GOLGA4: variants seen among roughly 807,000 people sequenced by gnomAD.
GOLGA4 encodes the protein golgin A4.
Under a neutral mutation model 265.9 loss-of-function variants are expected in GOLGA4, and 169 were observed. That is an observed-to-expected ratio of 0.64 (90% CI 0.56 to 0.72). The LOEUF is 0.72. Among genes scored for constraint, GOLGA4 ranks in the 30% least tolerant of loss-of-function variants. The pLI is 0.00. For synonymous variants in GOLGA4, 923 were observed against 855.8 expected (o/e 1.08, Z -1.37); for missense variants, 2,482 against 2,483.4 (o/e 1.00, Z 0.01).
intron 10 of GOLGA4, among the ~76,000 whole-genome samples, chr3:37,311,288 C>T (rs184477149): frequency 2.6e-5 from 4 of 152,278 alleles, no homozygotes; most frequent in South Asian, 2.1e-4. Flanking sequence ...ATATAAATGC[C>T]TTTCCCCACC....
chr3:37,287,340 C>G (rs918472575), intron 4 of GOLGA4, among the ~76,000 whole-genome samples: 3 of 152,074 alleles, frequency 2.0e-5, no homozygotes, highest in Admixed American at 6.5e-5. Flanking sequence ...GACTCCGTCT[C>G]AAAAAAGAAA....
chr3:37,296,091 C>G lies in GOLGA4; in HGVS notation c.686C>G (p.Ser229Cys), dbSNP rs1442801151. 1 of 1,613,534 alleles carries G rather than the reference C, an allele frequency of 6.2e-7. No individual in the cohort carries two copies. The highest frequency in any genetic ancestry group is 2.2e-5 in the East Asian group (1 of 44,874). Residue 229 changes from serine (S) to cysteine (C), a missense_variant, in exon 7 of 24, where the codon TCT becomes TGT. Transcript: ENST00000361924. ...QYISVLQTQVSLLKQRLRNGP... is the reference protein window; with the variant it reads ...QYISVLQTQVCLLKQRLRNGP... ...AATGAAGCACATTTATATTAGGTTTCTCTACTGAAACAACGATTACGAAAT... is the reference window on the plus strand; with the variant it reads ...AATGAAGCACATTTATATTAGGTTTGTCTACTGAAACAACGATTACGAAAT...
chr3:37,335,884 G>A (rs1200252337), intron 17 of GOLGA4, among the ~76,000 whole-genome samples: 1 of 152,090 alleles, frequency 6.6e-6, no homozygotes, highest in African/African-American at 2.4e-5. Context: ...GGGAAGGCTG[G>A]CACTGTACGT....
At chr3:37,247,943 A>G (rs2096723901) in intron 1 of GOLGA4, among the ~76,000 whole-genome samples, 1 of 152,188 alleles carries the variant, frequency 6.6e-6, no homozygotes, top group South Asian at 2.1e-4. Flanking sequence ...GGGCTTATGT[A>G]ATTAGTTTAG....
At chr3:37,334,252 A>G (rs2097001652) in intron 16 of GOLGA4, among the ~76,000 whole-genome samples, 1 of 152,212 alleles carries the variant, frequency 6.6e-6, no homozygotes, top group East Asian at 1.9e-4. Context: ...TTTTATAAGT[A>G]GGAATATTGG....
intron 19 of GOLGA4, among the ~76,000 whole-genome samples, chr3:37,338,155 C>T (rs949020920): frequency 2.6e-5 from 4 of 152,080 alleles, no homozygotes; most frequent in African/African-American, 4.8e-5. Context: ...TGTGTGTACA[C>T]CTTCAAGGAT....
intron 2 of GOLGA4, among the ~76,000 whole-genome samples, chr3:37,262,022 A>T (rs2096771027): frequency 6.6e-6 from 1 of 152,236 alleles, no homozygotes; most frequent in African/African-American, 2.4e-5. Context: ...CACCAGTAAA[A>T]ACAGAGATTA....
intron 10 of GOLGA4, among the ~76,000 whole-genome samples, chr3:37,311,234 G>A (rs1274899013): frequency 6.6e-6 from 1 of 152,104 alleles, no homozygotes; most frequent in African/African-American, 2.4e-5. Context: ...TCCATAATGG[G>A]TTTGAAATAC....
At chr3:37,313,703 T>C (rs746604823) in intron 10 of GOLGA4, among the ~76,000 whole-genome samples, 20 of 152,176 alleles carry the variant, frequency 1.3e-4, no homozygotes, top group Non-Finnish European at 2.5e-4. Flanking sequence ...TACATACATA[T>C]ACAACCCACA....
At chr3:37,250,577 G>A (rs550631605) in intron 1 of GOLGA4, 2 of 152,110 alleles carry the variant, frequency 1.3e-5, no homozygotes, top group African/African-American at 2.4e-5. Context: ...TTTATTAACT[G>A]CCTTTTGTAA....
At chr3:37,292,527 A>G (rs2096867566) in intron 5 of GOLGA4, among the ~76,000 whole-genome samples, 1 of 152,126 alleles carries the variant, frequency 6.6e-6, no homozygotes, top group African/African-American at 2.4e-5. Context: ...CTCTAGTAAA[A>G]ATACAAAAAT....
intron 20 of GOLGA4, chr3:37,341,758 C>A (rs1460123216): frequency 6.6e-6 from 1 of 152,166 alleles, no homozygotes; most frequent in African/African-American, 2.4e-5. Context: ...AATCAATACT[C>A]AGCAGTGCAT....
Position 37,299,856 on chromosome 3 carries a change from C to T in GOLGA4, c.1086+485C>T, listed in dbSNP as rs372907544. 1.7e-3 allele frequency among the ~76,000 whole-genome samples: 251 copies of T among 150,544 alleles called. 4 individuals carry two copies. The highest frequency in any genetic ancestry group is 5.6e-3 in the African/African-American group (229 of 40,912). On this transcript the variant is annotated intron_variant, in intron 9 of 23. Transcript: ENST00000361924. ...CTTGAAGCCAGAAGTTCAAGATCAA[C>T]CTGGGCAGTAAAGCAAGACCTCCTC... is the stretch of plus-strand genomic sequence containing the variant.
At chr3:37,316,136 T>C (rs980094781) in intron 11 of GOLGA4, among the ~76,000 whole-genome samples, 3 of 152,078 alleles carry the variant, frequency 2.0e-5, no homozygotes, top group African/African-American at 4.8e-5. Flanking sequence ...TTCAGAAATA[T>C]GAACATGTCA....
In GOLGA4 at chr3:37,308,670, C is replaced by T. The variant is rs150398753; in HGVS notation, c.1234+6338C>T. On this transcript the variant is annotated intron_variant, in intron 10 of 23. Coordinates refer to ENST00000361924, the MANE Select transcript of GOLGA4 (RefSeq NM_002078.5). ...TCACTCTGTCGCCCAGGCTGGAGTG[C>T]AGTGGTGTGATCTCGGCTCACTGCA... Among the ~76,000 whole-genome samples the T allele has an allele frequency of 4.7e-3, 709 of 151,700 alleles. 2 individuals carry two copies. Among genetic ancestry groups the T allele is most frequent in the African/African-American group, 0.016 (672 of 41,448 alleles).
At chr3:37,358,929 C>T (rs1314610683) in intron 22 of GOLGA4, among the ~76,000 whole-genome samples, 2 of 152,078 alleles carry the variant, frequency 1.3e-5, no homozygotes, top group African/African-American at 4.8e-5. Flanking sequence ...ATATTTTTGA[C>T]CCTCATTGGT....
intron 1 of GOLGA4, among the ~76,000 whole-genome samples, chr3:37,248,348 T>C (rs1349598385): frequency 1.3e-5 from 2 of 152,208 alleles, no homozygotes; most frequent in Non-Finnish European, 1.5e-5. Flanking sequence ...CAATAAAATA[T>C]TAATTGTGGG....
chr3:37,255,445 G>A (rs1223660532), intron 2 of GOLGA4, among the ~76,000 whole-genome samples: 3 of 152,138 alleles, frequency 2.0e-5, no homozygotes, highest in Non-Finnish European at 2.9e-5. Context: ...TTACAGGCAT[G>A]AGTCACCACG....
intron 16 of GOLGA4, among the ~76,000 whole-genome samples, chr3:37,331,128 CTTAATT>C (rs1326069370): frequency 6.6e-6 from 1 of 150,700 alleles, no homozygotes; most frequent in African/African-American, 2.4e-5. Flanking sequence ...AACAGGTGAA[CTTAATT>C]TTAATAATAT....
Sources: gnomAD v4.1 joint callset for allele counts (sites outside exome capture counted in the v4.1 genomes callset) on GRCh38, gnomAD v4.1.1 for gene constraint, MANE v1.5 for transcripts, NCBI Gene and HGNC (gene_info 2026-07-23, HGNC 2026-07-21) for gene names.